SPOCK3: variants seen among roughly 807,000 people sequenced by gnomAD.
SPOCK3 encodes SPARC (osteonectin), cwcv and kazal like domains proteoglycan 3.
A neutral mutation model predicts 56.6 loss-of-function variants in SPOCK3; 30 were observed. That is an observed-to-expected ratio of 0.53 (90% CI 0.40 to 0.72). The LOEUF (loss-of-function observed/expected upper bound fraction) is 0.72. Ranked by LOEUF, SPOCK3 falls within the 30% of genes least tolerant of loss-of-function variation. The pLI, the probability that SPOCK3 is intolerant of heterozygous loss-of-function variation, is 0.00. For missense variants in SPOCK3, 527 were observed against 530.0 expected (o/e 0.99, Z 0.06); for synonymous variants, 196 against 183.3 (o/e 1.07, Z -0.56).
At chr4:167,196,100 C>T (rs1462262015) in intron 2 of SPOCK3, among the ~76,000 whole-genome samples, 10 of 152,164 alleles carry the variant, frequency 6.6e-5, no homozygotes, top group Non-Finnish European at 7.4e-5. Context: ...ACAGAGCATA[C>T]TCTGTGTATA....
At chr4:167,132,985 G>T (rs1259490166) in intron 2 of SPOCK3, among the ~76,000 whole-genome samples, 1 of 152,028 alleles carries the variant, frequency 6.6e-6, no homozygotes, top group African/African-American at 2.4e-5. Context: ...TCTTTTTGGG[G>T]ACTACCATTC....
intron 5 of SPOCK3, among the ~76,000 whole-genome samples, chr4:166,904,827 C>G (rs1167923962): frequency 6.6e-6 from 1 of 151,984 alleles, no homozygotes; most frequent in Non-Finnish European, 1.5e-5. Flanking sequence ...TTATATCTCT[C>G]CCATCACCTC....
At chr4:167,077,604 G>C (rs1437245220) in intron 2 of SPOCK3, among the ~76,000 whole-genome samples, 1 of 151,682 alleles carries the variant, frequency 6.6e-6, no homozygotes, top group Non-Finnish European at 1.5e-5. Flanking sequence ...TCCTTCTTTT[G>C]AATAAAAGAA....
At chr4:166,970,961 C>G (rs1160491349) in intron 4 of SPOCK3, among the ~76,000 whole-genome samples, 1 of 152,132 alleles carries the variant, frequency 6.6e-6, no homozygotes, top group Admixed American at 6.5e-5. Context: ...CCCCTGTACT[C>G]AAGGGATCCT....
chr4:167,136,591 T>C (rs1242125033), intron 2 of SPOCK3, among the ~76,000 whole-genome samples: 1 of 152,178 alleles, frequency 6.6e-6, no homozygotes, highest in African/African-American at 2.4e-5. Flanking sequence ...GTCAAATGAT[T>C]TTGCTGATTA....
intron 2 of SPOCK3, among the ~76,000 whole-genome samples, chr4:167,197,714 C>T (rs1466147043): frequency 6.6e-6 from 1 of 151,976 alleles, no homozygotes; most frequent in Non-Finnish European, 1.5e-5. Flanking sequence ...TAGCTATTTC[C>T]ACTTCCACGC....
intron 4 of SPOCK3, among the ~76,000 whole-genome samples, chr4:166,946,178 C>A (rs551900981): frequency 6.6e-6 from 1 of 151,872 alleles, no homozygotes; most frequent in Non-Finnish European, 1.5e-5. Context: ...TAATAACTTA[C>A]TCTCCAAACC....
chr4:166,768,349 T>C (rs1040060834), intron 7 of SPOCK3, among the ~76,000 whole-genome samples: 1 of 152,224 alleles, frequency 6.6e-6, no homozygotes, highest in Non-Finnish European at 1.5e-5. Flanking sequence ...CCATGTTTAG[T>C]GCTTCCTTCA....
chr4:167,053,065 G>C (rs1457232608), intron 3 of SPOCK3, among the ~76,000 whole-genome samples: 1 of 152,112 alleles, frequency 6.6e-6, no homozygotes, highest in Non-Finnish European at 1.5e-5. Context: ...GGACATATCA[G>C]GCTGTGAATG....
intron 2 of SPOCK3, among the ~76,000 whole-genome samples, chr4:167,130,924 T>C (rs1405285846): frequency 6.6e-6 from 1 of 152,142 alleles, no homozygotes; most frequent in Non-Finnish European, 1.5e-5. Flanking sequence ...TACTAATAAA[T>C]AGCTTAGAGA....
intron 7 of SPOCK3, among the ~76,000 whole-genome samples, chr4:166,767,386 T>G (rs201133376): frequency 0.33 from 49,689 of 151,296 alleles, 8,328 homozygotes; most frequent in Admixed American, 0.41. Context: ...CTGGTATGTT[T>G]TGTCTTTGTT....
At chr4:166,746,210 A>C (rs1326379812) in intron 8 of SPOCK3, among the ~76,000 whole-genome samples, 1 of 152,232 alleles carries the variant, frequency 6.6e-6, no homozygotes, top group Non-Finnish European at 1.5e-5. Flanking sequence ...CATCACACTT[A>C]TTCCAAAATT....
At chr4:167,109,408 AAT>A (rs545603094) in intron 2 of SPOCK3, among the ~76,000 whole-genome samples, 2,612 of 87,430 alleles carry the variant, frequency 0.03, 64 homozygotes, top group Middle Eastern at 0.083. Context: ...TTTATATATA[AAT>A]ATATATATAA....
At position 166,951,438 on chromosome 4, in the gene SPOCK3, C is replaced by A. The variant is rs1742610071; in HGVS notation, c.351-38695G>T. ...CAGGAGCTGAAATTGAGGCAAGAAT[C>A]AATAGCTTACCAACAAAAAAGAGTC... On this transcript the variant is annotated intron_variant, in intron 4 of 10. Transcript: ENST00000357545. 1.4e-5 allele frequency among the ~76,000 whole-genome samples: 2 copies of A among 141,826 alleles called. 1 individual carries two copies. The highest frequency in any genetic ancestry group is 3.0e-5 in the Non-Finnish European group (2 of 66,578). The allele number at this position is 141,826 out of a possible 152,430, so 93.0% of individuals were successfully genotyped here. A position where few individuals can be genotyped will look rare whatever the true frequency, so the allele number is the denominator to read the frequency against.
intron 3 of SPOCK3, among the ~76,000 whole-genome samples, chr4:167,051,978 A>G (rs1449954153): frequency 6.6e-6 from 1 of 152,230 alleles, no homozygotes; most frequent in Non-Finnish European, 1.5e-5. Flanking sequence ...CGGAAAATAG[A>G]TATAATTTGC....
intron 3 of SPOCK3, among the ~76,000 whole-genome samples, chr4:167,019,469 G>C (rs1275519659): frequency 6.6e-6 from 1 of 151,494 alleles, no homozygotes; most frequent in African/African-American, 2.4e-5. Flanking sequence ...ATAATTTATA[G>C]AGAATGTTAA....
chr4:167,032,005 C>T (rs902755580), intron 3 of SPOCK3, among the ~76,000 whole-genome samples: 4 of 151,872 alleles, frequency 2.6e-5, no homozygotes, highest in South Asian at 2.1e-4. Context: ...ATTTTGCTTG[C>T]ATTAAAAGAC....
chr4:166,769,253 G>T (rs1015875912), intron 7 of SPOCK3, among the ~76,000 whole-genome samples: 3 of 152,176 alleles, frequency 2.0e-5, no homozygotes, highest in African/African-American at 7.2e-5. Flanking sequence ...TTTGGAGGGG[G>T]AGAGGTGCTC....
rs1429542579 is a variant in SPOCK3 at position 167,141,415 on chromosome 4, G to T, written c.190-78878C>A. Among the ~76,000 whole-genome samples, 4 of 152,024 alleles carry T rather than the reference G, an allele frequency of 2.6e-5. No homozygotes were observed. The East Asian group carries it at 7.7e-4, about 29-fold the overall frequency. The stretch of plus-strand genomic sequence containing the variant: ...TCTAATCACAATAGGGGAGGACCTA[G>T]TGCTTTTCCAACCATTACATTTAAA... On this transcript the variant is annotated intron_variant, in intron 2 of 10. Coordinates refer to ENST00000357545, the MANE Select transcript of SPOCK3 (RefSeq NM_001040159.2).
Sources: gnomAD v4.1 joint callset for allele counts (sites outside exome capture counted in the v4.1 genomes callset) on GRCh38, gnomAD v4.1.1 for gene constraint, MANE v1.5 for transcripts, NCBI Gene and HGNC (gene_info 2026-07-23, HGNC 2026-07-21) for gene names.